The following KIF16B variants were observed in gnomAD, a reference collection of about 807,000 sequenced individuals.
KIF16B encodes the protein kinesin-like protein KIF16B.
In KIF16B, 98 loss-of-function variants were observed where a neutral mutation model predicts 156.3. The ratio of observed to expected loss-of-function variants is 0.63; its 90% CI spans 0.53 to 0.74. KIF16B has a LOEUF of 0.74. Among genes scored for constraint, KIF16B ranks in the 30% least tolerant of loss-of-function variants. KIF16B has a pLI of 0.00. For synonymous variants in KIF16B, 564 were observed against 583.7 expected, an observed-to-expected ratio of 0.97 and a Z score of 0.49; for missense variants, 1,421 against 1,606.5, an observed-to-expected ratio of 0.88 and a Z score of 1.97.
intron 22 of KIF16B, chr20:16,367,988 G>T: frequency 7.0e-7 from 1 of 1,433,980 alleles, no homozygotes. Context: ...TTATCTGACA[G>T]GACCAAAGCA....
At chr20:16,418,869 A>G (rs915949194) in intron 15 of KIF16B, among the ~76,000 whole-genome samples, 43 of 152,046 alleles carry the variant, frequency 2.8e-4, no homozygotes, top group Admixed American at 2.2e-3. Context: ...CCCTCCCTCA[A>G]TGTGTCTGCT....
chr20:16,418,571 C>T (rs2066147792), intron 15 of KIF16B, among the ~76,000 whole-genome samples: 1 of 152,144 alleles, frequency 6.6e-6, no homozygotes, highest in South Asian at 2.1e-4. Context: ...ACCAGCATTG[C>T]CTCCTGATAA....
intron 2 of KIF16B, among the ~76,000 whole-genome samples, chr20:16,526,898 A>G (rs910542034): frequency 1.2e-4 from 18 of 152,326 alleles, no homozygotes; most frequent in South Asian, 8.3e-4. Context: ...AAAAATTGTT[A>G]TGATTCTTAT....
intron 11 of KIF16B, among the ~76,000 whole-genome samples, chr20:16,495,840 A>T (rs2068436518): frequency 6.6e-6 from 1 of 151,972 alleles, no homozygotes; most frequent in South Asian, 2.1e-4. Context: ...ACAGGTGCAC[A>T]CCACCACGCC....
intron 23 of KIF16B, among the ~76,000 whole-genome samples, chr20:16,340,450 C>A (rs1398857403): frequency 1.3e-5 from 2 of 152,210 alleles, no homozygotes; most frequent in East Asian, 3.8e-4. Flanking sequence ...CTAAGGAGAG[C>A]TAAGATTTTT....
chr20:16,312,466 T>C, intron 24 of KIF16B, 48 bp from the exon 25 acceptor site: 2 of 1,292,212 alleles, frequency 1.5e-6, no homozygotes, highest in Non-Finnish European at 2.2e-6. Context: ...TACCTGTTAA[T>C]TGTTGGGCTA....
At chr20:16,435,693 C>T (rs1325155459) in intron 12 of KIF16B, among the ~76,000 whole-genome samples, 2 of 152,170 alleles carry the variant, frequency 1.3e-5, no homozygotes, top group Admixed American at 6.5e-5. Flanking sequence ...TCTTCTATTT[C>T]TTTCAGTTTC....
chr20:16,370,629 T>C lies in KIF16B; in HGVS notation c.3455A>G (p.Glu1152Gly). The C allele has an allele frequency of 6.3e-7, 1 of 1,584,338 alleles. No individual in the cohort carries two copies. The highest frequency in any genetic ancestry group is 2.3e-5 in the East Asian group (1 of 43,126). Residue 1152 changes from glutamate (E) to glycine (G), a missense_variant, in exon 22 of 26, where the codon GAG becomes GGG. Coordinates refer to ENST00000354981, the MANE Select transcript of KIF16B (RefSeq NM_024704.5). The stretch of plus-strand genomic sequence containing the variant: ...TTGAATGGTGCCATTGTGAAGTTTC[T>C]CATTATCCTGAAAAGAAAAGAAAAA... Reference protein sequence around the residue: ...STSADTMKDNEKLHNGTIQRK... With the variant: ...STSADTMKDNGKLHNGTIQRK...
chr20:16,431,669 C>T (rs2066503706), intron 12 of KIF16B, among the ~76,000 whole-genome samples: 2 of 152,084 alleles, frequency 1.3e-5, no homozygotes, highest in South Asian at 4.2e-4. Flanking sequence ...ATGCTAGCAA[C>T]ACATCTGAGG....
chr20:16,348,548 G>A (rs1436030054), intron 23 of KIF16B, among the ~76,000 whole-genome samples: 1 of 152,224 alleles, frequency 6.6e-6, no homozygotes, highest in African/African-American at 2.4e-5. Flanking sequence ...GATCAGTCAA[G>A]AACGAAGGGC....
At chr20:16,350,943 C>A (rs1371301213) in intron 23 of KIF16B, among the ~76,000 whole-genome samples, 2 of 151,754 alleles carry the variant, frequency 1.3e-5, no homozygotes, top group Admixed American at 6.6e-5. Context: ...GGAGCTTGTA[C>A]CCACAGGGGA....
chr20:16,312,775 CT>C (rs11087165), intron 24 of KIF16B, among the ~76,000 whole-genome samples: 21,638 of 145,370 alleles, frequency 0.15, 1,649 homozygotes, highest in Admixed American at 0.16. Context: ...TCCTCCCACC[CT>C]TTTTTTTTTT....
At position 16,517,444 on chromosome 20, in the gene KIF16B, AT is replaced by A. The variant is rs1226380856; in HGVS notation, c.232-1781del. ...AAGCACTTTCGTGTGTTCATGTATA[AT>A]TCTCATCAAAACGCTACAGGGAGAG... On this transcript the variant is annotated intron_variant, in intron 3 of 25. Coordinates refer to ENST00000354981, the MANE Select transcript of KIF16B (RefSeq NM_024704.5). Among the ~76,000 whole-genome samples, 4 of 152,318 alleles carry A rather than the reference AT, an allele frequency of 2.6e-5. No individual in the cohort carries two copies. The East Asian group carries it at 7.7e-4, about 29-fold the overall frequency.
intron 25 of KIF16B, among the ~76,000 whole-genome samples, chr20:16,300,794 A>T (rs1354859698): frequency 6.6e-6 from 1 of 152,328 alleles, no homozygotes; most frequent in African/African-American, 2.4e-5. Context: ...ATCCCACACC[A>T]GAGTGGCATA....
chr20:16,342,926 G>C (rs2064165134), intron 23 of KIF16B, among the ~76,000 whole-genome samples: 1 of 152,168 alleles, frequency 6.6e-6, no homozygotes, highest in African/African-American at 2.4e-5. Context: ...ATCTGCTCAT[G>C]GGAAGCTTGA....
In KIF16B at chr20:16,302,779, C is replaced by T. The variant is rs573071113; in HGVS notation, c.3795+9556G>A. Among the ~76,000 whole-genome samples the T allele has an allele frequency of 7.2e-5, 11 of 152,218 alleles. No individual in the cohort carries two copies. The South Asian group carries it at 1.5e-3, about 20-fold the overall frequency. On this transcript the variant is annotated intron_variant, in intron 25 of 25. Transcript: ENST00000354981. ...GGGGATGCTAAAGTAAATGGTATTA[C>T]GTTATTAATTTCCAATTCCATTTGT...
chr20:16,422,505 T>C (rs2066250686), intron 15 of KIF16B, among the ~76,000 whole-genome samples: 1 of 151,626 alleles, frequency 6.6e-6, no homozygotes, highest in Non-Finnish European at 1.5e-5. Flanking sequence ...CAGAGAAGAG[T>C]GACTGTGGCA....
At chr20:16,382,807 C>T (rs1041906353) in intron 17 of KIF16B, among the ~76,000 whole-genome samples, 5 of 149,954 alleles carry the variant, frequency 3.3e-5, no homozygotes, top group African/African-American at 4.9e-5. Context: ...TTTTCTGTTG[C>T]GGTAGAGGGC....
chr20:16,375,685 C>CAAA lies in KIF16B; in HGVS notation c.3198-1279_3198-1277dup, dbSNP rs34135271. Reference sequence around the variant, plus strand: ...ATATTAATAGGGTATCATCAATGGCCAAAAAAAAAAAAAAATGAGCTGGAT... The same window carrying CAAA: ...ATATTAATAGGGTATCATCAATGGCCAAAAAAAAAAAAAAAAAATGAGCTGGAT... On this transcript the variant is annotated intron_variant, in intron 19 of 25. Transcript: ENST00000354981. Among the ~76,000 whole-genome samples, 413 of 112,912 alleles carry CAAA rather than the reference C, an allele frequency of 3.7e-3. 7 individuals carry two copies. The highest frequency in any genetic ancestry group is 0.027 in the Admixed American group (299 of 11,212). 74.1% of individuals were successfully genotyped at this position (112,912 alleles called of 152,430 possible).
Sources: allele counts gnomAD v4.1 joint callset (sites outside exome capture counted in the v4.1 genomes callset), GRCh38; gene constraint gnomAD v4.1.1; transcripts MANE v1.5; gene names NCBI Gene and HGNC (gene_info 2026-07-23, HGNC 2026-07-21).